TAB2: variants seen among roughly 807,000 people sequenced by gnomAD.
TAB2 encodes TGF-beta activated kinase 1 (MAP3K7) binding protein 2.
TAB2 carries 3 observed loss-of-function variants against 65.0 expected under a neutral mutation model. The observed-to-expected ratio is 0.05, with a 90% confidence interval of 0.02 to 0.12. TAB2 has a LOEUF of 0.12. Ranked by LOEUF, TAB2 falls within the 10% of genes least tolerant of loss-of-function variation. The pLI is 1.00. For missense variants in TAB2, 623 were observed against 840.3 expected, an observed-to-expected ratio of 0.74 and a Z score of 3.20; for synonymous variants, 298 against 285.1, an observed-to-expected ratio of 1.05 and a Z score of -0.46.
intron 1 of TAB2, chr6:149,291,553 T>G (rs1778777901): frequency 6.6e-6 from 1 of 152,300 alleles, no homozygotes; most frequent in Admixed American, 6.5e-5. Context: ...AGGCTGGAAA[T>G]GAAGCAGGTC....
At chr6:149,320,242 A>C (rs1159296225) in intron 1 of TAB2, among the ~76,000 whole-genome samples, 1 of 151,974 alleles carries the variant, frequency 6.6e-6, no homozygotes, top group Non-Finnish European at 1.5e-5. Context: ...ACGCCCGGCT[A>C]ATTTTTGTAC....
intron 1 of TAB2, among the ~76,000 whole-genome samples, chr6:149,345,294 A>G (rs527891473): frequency 6.6e-6 from 1 of 152,336 alleles, no homozygotes; most frequent in African/African-American, 2.4e-5. Context: ...CATAAGTAAC[A>G]TTTAAGTTAG....
rs1485132134 is a variant in TAB2, at chr6:149,339,608, T to TA, written c.-90+21593_-90+21594insA. On this transcript the variant is annotated intron_variant, in intron 1 of 6. Transcript: ENST00000637181. ...TTTTTTATTTATTTATTTATTTATT[T>TA]TTTTTTTTTTTTGAGACGGAGTCTC... 9.4e-3 allele frequency among the ~76,000 whole-genome samples: 988 copies of TA among 105,428 alleles called. 15 individuals carry two copies. The highest frequency in any genetic ancestry group is 0.034 in the African/African-American group (945 of 28,096). 69.2% of individuals were successfully genotyped at this position (105,428 alleles called of 152,430 possible).
chr6:149,403,066 CTG>C (rs950545673), intron 6 of TAB2, among the ~76,000 whole-genome samples: 14 of 151,470 alleles, frequency 9.2e-5, no homozygotes, highest in Admixed American at 2.0e-4. Context: ...GAAACCCTGT[CTG>C]TACTAAAAAT....
chr6:149,231,560 T>C (rs1325478091), intron 1 of TAB2, among the ~76,000 whole-genome samples: 1 of 152,234 alleles, frequency 6.6e-6, no homozygotes, highest in Non-Finnish European at 1.5e-5. Context: ...TTTAAATGTC[T>C]TTTCTATATA....
intron 1 of TAB2, among the ~76,000 whole-genome samples, chr6:149,332,326 T>A (rs1391336815): frequency 6.6e-6 from 1 of 152,164 alleles, no homozygotes; most frequent in African/African-American, 2.4e-5. Context: ...TATAGTGGTA[T>A]TTGTTTAAAA....
At chr6:149,286,235 A>C (rs1030475356) in intron 1 of TAB2, among the ~76,000 whole-genome samples, 8 of 152,224 alleles carry the variant, frequency 5.3e-5, no homozygotes, top group Non-Finnish European at 1.2e-4. Context: ...GTATCAATGG[A>C]CTTCCATATG....
At chr6:149,389,520 C>T (rs1221741299) in intron 3 of TAB2, among the ~76,000 whole-genome samples, 1 of 151,720 alleles carries the variant, frequency 6.6e-6, no homozygotes, top group African/African-American at 2.4e-5. Flanking sequence ...TGGCACATAC[C>T]TGTAATTCCA....
At chr6:149,305,322 T>C (rs545080600) in intron 1 of TAB2, among the ~76,000 whole-genome samples, 3 of 152,338 alleles carry the variant, frequency 2.0e-5, no homozygotes, top group African/African-American at 7.2e-5. Context: ...CATAATCTAA[T>C]GTCAAATTCT....
intron 1 of TAB2, among the ~76,000 whole-genome samples, chr6:149,222,580 T>C (rs1231358189): frequency 6.7e-6 from 1 of 148,364 alleles, no homozygotes; most frequent in African/African-American, 2.5e-5. Context: ...ATCATCCCAC[T>C]GCACTCCAGC....
chr6:149,398,094 A>G (rs768432914), intron 5 of TAB2, 32 bp downstream of exon 5: 3 of 1,572,018 alleles, frequency 1.9e-6, no homozygotes, highest in Non-Finnish European at 1.7e-6. Context: ...GCTGAAATTC[A>G]TCGTATTTAA....
intron 1 of TAB2, among the ~76,000 whole-genome samples, chr6:149,275,286 A>AAGAAAGAAAGAAAGAAAGAT (rs1554255842): frequency 1.2e-3 from 176 of 146,734 alleles, no homozygotes; most frequent in African/African-American, 4.2e-3. Flanking sequence ...GAAAGAAAGA[A>AAGAAAGAAAGAAAGAAAGAT]AGAAAGAAAG....
intron 6 of TAB2, among the ~76,000 whole-genome samples, chr6:149,403,018 T>G (rs1027360846): frequency 3.3e-5 from 5 of 151,774 alleles, no homozygotes; most frequent in Non-Finnish European, 7.4e-5. Flanking sequence ...GTGGGTCACC[T>G]AAGGTCGGGA....
Position 149,397,882 on chromosome 6 carries a change from C to G in TAB2, c.1765-87C>G, listed in dbSNP as rs1782228767. 1.2e-5 allele frequency: 19 copies of G among 1,575,738 alleles called. No homozygotes were observed. In the South Asian group the frequency reaches 2.1e-4, roughly 18 times the overall value. ...TGTTCTTAACTCTTGTTTTTCTGTCCTTACTTTCTTGTGCCAAACTCCATT... is the reference window on the plus strand; with the variant it reads ...TGTTCTTAACTCTTGTTTTTCTGTCGTTACTTTCTTGTGCCAAACTCCATT... On this transcript the variant is annotated intron_variant, in intron 4 of 6. Coordinates refer to ENST00000637181, the MANE Select transcript of TAB2 (RefSeq NM_001292034.3).
rs1782853566 is a variant in TAB2, at chr6:149,411,299, T to C, written c.*1580T>C. On this transcript the variant is annotated 3_prime_UTR_variant, in exon 7 of 7. Transcript: ENST00000637181. ...GTGTTTTAAATGGGATTATTACAGT[T>C]GATCTCTATGAATGTCAGAGCCCTA... 1 of 152,446 alleles carries C rather than the reference T, an allele frequency of 6.6e-6. No individual in the cohort carries two copies. The highest frequency in any genetic ancestry group is 1.5e-5 in the Non-Finnish European group (1 of 68,020). The allele number at this position is 152,446 out of a possible 1,614,324, so 9.4% of individuals were successfully genotyped here.
intron 1 of TAB2, among the ~76,000 whole-genome samples, chr6:149,332,202 CAT>C (rs1293394154): frequency 1.3e-5 from 2 of 152,094 alleles, no homozygotes; most frequent in Non-Finnish European, 2.9e-5. Context: ...GCCTTTTAGA[CAT>C]ATAACCAGTG....
chr6:149,283,325 T>C (rs1490478433), intron 1 of TAB2, among the ~76,000 whole-genome samples: 1 of 152,206 alleles, frequency 6.6e-6, no homozygotes, highest in East Asian at 1.9e-4. Context: ...AGTTATATCT[T>C]CATATGATAT....
chr6:149,325,678 G>A (rs559261792), intron 1 of TAB2, among the ~76,000 whole-genome samples: 34 of 152,274 alleles, frequency 2.2e-4, no homozygotes, highest in African/African-American at 8.2e-4. Context: ...CAAATATGAG[G>A]TTTAATATAA....
intron 6 of TAB2, chr6:149,400,419 G>T: frequency 6.2e-7 from 1 of 1,614,226 alleles, no homozygotes; most frequent in Non-Finnish European, 8.5e-7. Context: ...CACAGAAGAA[G>T]TCAAGACTGA....
Sources: gnomAD v4.1 joint callset for allele counts (sites outside exome capture counted in the v4.1 genomes callset) on GRCh38, gnomAD v4.1.1 for gene constraint, MANE v1.5 for transcripts, NCBI Gene and HGNC (gene_info 2026-07-23, HGNC 2026-07-21) for gene names.